Variants in SIGLEC1 observed in about 807,000 individuals in gnomAD.
The protein encoded by SIGLEC1 is sialic acid binding Ig like lectin 1, also known as sialoadhesin.
In SIGLEC1, 132 loss-of-function variants were observed where a neutral mutation model predicts 148.0. That is an observed-to-expected ratio of 0.89 (90% CI 0.77 to 1.03). The LOEUF is 1.03. SIGLEC1 is among the 50% of genes least tolerant of loss of function. The probability of loss-of-function intolerance (pLI) is 0.00; values close to 1 mark genes in which losing one functional copy is unlikely to be tolerated. For synonymous variants in SIGLEC1, 945 were observed against 969.0 expected (o/e 0.98, Z 0.46); for missense variants, 2,253 against 2,271.4 (o/e 0.99, Z 0.16).
rs144731228 is a variant in SIGLEC1 at position 3,691,963 on chromosome 20, C to T, written c.4270G>A (p.Val1424Ile). Reference sequence around the variant, plus strand: ...CCCAGCAAGTTTTGGGCTGTGCAAACATAGGTGTCATCACCTGCAGGCACA... The same window carrying T: ...CCCAGCAAGTTTTGGGCTGTGCAAATATAGGTGTCATCACCTGCAGGCACA... ...QDVPAGDDTY[V>I]CTAQNLLGSI... is the part of the protein sequence containing the mutation. Residue 1424 changes from valine to isoleucine, a missense_variant, in exon 17 of 22, where the codon GTT becomes ATT. By Grantham distance (29) the Val-to-Ile change is conservative. Transcript: ENST00000344754. 1,167 of 1,610,210 alleles carry T rather than the reference C, an allele frequency of 7.2e-4. 12 individuals are homozygous for T. Among genetic ancestry groups the T allele is most frequent in the South Asian group, 6.5e-3 (592 of 90,850 alleles).
chr20:3,710,777 G>A lies in SIGLEC1; in HGVS notation c.-110+1693C>T, dbSNP rs2087923653. Among the ~76,000 whole-genome samples the A allele has an allele frequency of 6.6e-6, 1 of 152,192 alleles. No individual in the cohort carries two copies. The highest frequency in any genetic ancestry group is 1.5e-5 in the Non-Finnish European group (1 of 68,036). On this transcript the variant is annotated intron_variant, in intron 1 of 21. Coordinates refer to ENST00000344754, the MANE Select transcript of SIGLEC1 (RefSeq NM_023068.4). This position sits in a 1 kb window ranked among gnomAD's most constrained non-coding sequence, Gnocchi z 4.6. ...ACACAGCGACCCTGGAACAGGGCGC[G>A]GGGGAGGACCCTTTCCAGGACCACT...
At position 3,687,025 on chromosome 20, in the gene SIGLEC1, G is replaced by A. The variant is rs1237610927; in HGVS notation, c.*1535C>T. 1 of 152,224 alleles carries A rather than the reference G, an allele frequency of 6.6e-6. No individual in the cohort carries two copies. The highest frequency in any genetic ancestry group is 1.5e-5 in the Non-Finnish European group (1 of 68,034). 9.4% of individuals were successfully genotyped at this position (152,224 alleles called of 1,614,324 possible). On this transcript the variant is annotated 3_prime_UTR_variant, in exon 22 of 22. Transcript: ENST00000344754. ...GACATTCTGGACGGGCTCCCAGCAAGAGTCTGGCAATGGAGCATGAAAATG... is the reference window on the plus strand; with the variant it reads ...GACATTCTGGACGGGCTCCCAGCAAAAGTCTGGCAATGGAGCATGAAAATG...
At position 3,692,502 on chromosome 20, in the gene SIGLEC1, C is replaced by T. The variant is rs1470587910; in HGVS notation, c.4030+19G>A. ...CCACCCTCCTCCTGGGCAGCCCTGGCCAAGGACCCTCTGCTCACAGAGGAC... is the reference window on the plus strand; with the variant it reads ...CCACCCTCCTCCTGGGCAGCCCTGGTCAAGGACCCTCTGCTCACAGAGGAC... On this transcript the variant is annotated intron_variant, in intron 16 of 21. Transcript: ENST00000344754. The T allele has an allele frequency of 1.3e-6, 2 of 1,571,270 alleles. No homozygotes were observed. The highest frequency in any genetic ancestry group is 1.7e-6 in the Non-Finnish European group (2 of 1,165,322).
chr20:3,689,536 G>T, intron 20 of SIGLEC1, 64 bp downstream of exon 20: 2 of 1,144,698 alleles, frequency 1.7e-6, no homozygotes, highest in Non-Finnish European at 2.5e-6. Context: ...GGGGGAATTT[G>T]GGGAGAAGAC....
chr20:3,689,902 G>T, intron 19 of SIGLEC1, 60 bp downstream of exon 19: 1 of 1,430,006 alleles, frequency 7.0e-7, no homozygotes, highest in Non-Finnish European at 9.7e-7. Flanking sequence ...GGAAGCCTTT[G>T]GGCCTAAGAG....
rs761839632 is a variant in SIGLEC1 at position 3,689,664 on chromosome 20, C to T, written c.4933G>A (p.Val1645Ile). ...AGGAGGCCCACCAGCAGTCCCAGGA[C>T]CCAGAGCAGCTGCTGGAACTGATGC... Reference protein sequence around the residue: ...RLHQFQQLLWVLGLLVGLLLL... With the variant: ...RLHQFQQLLWILGLLVGLLLL... Residue 1645 changes from valine (V) to isoleucine (I), a missense_variant, in exon 20 of 22, where the codon GTC (valine) becomes ATC (isoleucine). Val to Ile is a conservative substitution (Grantham distance 29, BLOSUM62 3). Transcript: ENST00000344754. 1.9e-6 allele frequency: 3 copies of T among 1,589,592 alleles called. No individual in the cohort carries two copies. Among genetic ancestry groups the T allele is most frequent in the East Asian group, 2.3e-5 (1 of 44,024 alleles).
rs538139755 is a variant in SIGLEC1, at chr20:3,712,332, T to G, written c.-110+138A>C. 3.3e-5 allele frequency among the ~76,000 whole-genome samples: 5 copies of G among 150,914 alleles called. No individual in the cohort carries two copies. In the East Asian group the frequency reaches 9.9e-4, roughly 30 times the overall value. ...TTTGATTAGTGTCTTGGACTTGGGT[T>G]GGTTTGGGGTCCACCACTCGCACCC... On this transcript the variant is annotated intron_variant, in intron 1 of 21. Transcript: ENST00000344754.
chr20:3,705,973 G>A lies in SIGLEC1; in HGVS notation c.477C>T (p.Asn159=). 3 of 1,614,058 alleles carry A rather than the reference G, an allele frequency of 1.9e-6. No individual in the cohort carries two copies. The highest frequency in any genetic ancestry group is 1.7e-4 in the Middle Eastern group (1 of 6,060). ...ELLEGTEVDF[N]CSTPYVCLQE... ...GCAGGCATACGTAGGGAGTGGAGCA[G>A]TTGAAGTCCACCTCTGTGCCCTCGA... Residue 159 remains asparagine (N), a synonymous_variant, in exon 4 of 22, where the codon AAC becomes AAT. Transcript: ENST00000344754.
intron 1 of SIGLEC1, among the ~76,000 whole-genome samples, chr20:3,709,671 C>T (rs1300864071): frequency 1.3e-5 from 2 of 152,180 alleles, no homozygotes; most frequent in Non-Finnish European, 2.9e-5. Flanking sequence ...GGTCAAGTGT[C>T]CATCAGTGAA....
chr20:3,706,505 C>A lies in SIGLEC1; in HGVS notation c.251G>T (p.Arg84Leu). 1 of 1,613,520 alleles carries A rather than the reference C, an allele frequency of 6.2e-7. No individual in the cohort carries two copies. The highest frequency in any genetic ancestry group is 8.5e-7 in the Non-Finnish European group (1 of 1,180,016). The change falls in exon 3 of 22, where the codon CGC becomes CTC. Residue 84 changes from arginine (R) to leucine (L), a missense_variant. Transcript: ENST00000344754. ...ADPKLVEARF[R>L]GRTEFMGNPE... Reference sequence around the variant, plus strand: ...GTTCCCCATGAACTCGGTGCGGCCGCGGAAGCGGGCCTCCACCAGCTTGGG... The same window carrying A: ...GTTCCCCATGAACTCGGTGCGGCCGAGGAAGCGGGCCTCCACCAGCTTGGG...
chr20:3,702,688 A>G (rs540691), intron 6 of SIGLEC1, among the ~76,000 whole-genome samples: 107,930 of 152,074 alleles, frequency 0.71, 38,575 homozygotes, highest in East Asian at 0.86. Flanking sequence ...GCGGTAAAGA[A>G]GCCTCATGTC....
chr20:3,700,724 G>C (rs1441802902), intron 7 of SIGLEC1, among the ~76,000 whole-genome samples: 1 of 128,978 alleles, frequency 7.8e-6, no homozygotes, highest in South Asian at 2.4e-4. Context: ...TTTTGAGACA[G>C]AGTCTCACTC....
Position 3,706,614 on chromosome 20 carries a change from C to T in SIGLEC1, c.142G>A (p.Asp48Asn), listed in dbSNP as rs749867334. The T allele has an allele frequency of 1.5e-4, 239 of 1,603,778 alleles. No homozygotes were observed. The highest frequency in any genetic ancestry group is 3.3e-4 in the Middle Eastern group (2 of 6,072). ...LIPCIFSFPA[D>N]VEVPDGITAI... is the part of the protein sequence containing the mutation. ...GTGATGCCGTCGGGCACCTCCACGT[C>T]GGCAGGGAAGCTGAAGATGCAGGGG... Residue 48 changes from aspartate to asparagine, a missense_variant, in exon 3 of 22, where the codon GAC (aspartate) becomes AAC (asparagine). Physicochemically the swap from Asp to Asn is conservative, Grantham distance 23 (BLOSUM62 1). Transcript: ENST00000344754.
intron 1 of SIGLEC1, among the ~76,000 whole-genome samples, 103 bp downstream of exon 1, chr20:3,712,367 C>G (rs1458592605): frequency 6.6e-6 from 1 of 150,800 alleles, no homozygotes; most frequent in Non-Finnish European, 1.5e-5. Flanking sequence ...CAGATGGAGC[C>G]CCCCCCCGAC....
At chr20:3,706,181 G>T in intron 3 of SIGLEC1, 141 bp from the exon 4 acceptor site, 2 of 1,277,062 alleles carry the variant, frequency 1.6e-6, no homozygotes, top group Non-Finnish European at 2.1e-6. Context: ...AGCCCCACTT[G>T]GGTGAATACA....
chr20:3,712,034 C>A (rs1338177401), intron 1 of SIGLEC1, among the ~76,000 whole-genome samples: 1 of 151,594 alleles, frequency 6.6e-6, no homozygotes, highest in African/African-American at 2.4e-5. Context: ...GAGTTGGGTG[C>A]AGGTGATGGT....
chr20:3,698,444 G>T (rs1450545616), intron 8 of SIGLEC1, among the ~76,000 whole-genome samples: 2 of 152,348 alleles, frequency 1.3e-5, no homozygotes, highest in African/African-American at 4.8e-5. Flanking sequence ...CTGCTGCTGA[G>T]CAGGGTGCCC....
In SIGLEC1 at chr20:3,689,713, G is replaced by C. The variant is rs1248445109; in HGVS notation, c.4895-11C>G. On this transcript the variant is annotated splice_polypyrimidine_tract_variant and intron_variant, in intron 19 of 21. Transcript: ENST00000344754. Reference sequence around the variant, plus strand: ...GCAGGCGGTGCAGGGCTGGAACACAGAGCGGGACTCAGAGCAGCCACAGCT... The same window carrying C: ...GCAGGCGGTGCAGGGCTGGAACACACAGCGGGACTCAGAGCAGCCACAGCT... 3 of 1,562,988 alleles carry C rather than the reference G, an allele frequency of 1.9e-6. No homozygotes were observed. The highest frequency in any genetic ancestry group is 1.4e-5 in the African/African-American group (1 of 73,954).
rs780875675 is a variant in SIGLEC1 at position 3,692,995 on chromosome 20, C to T, written c.3645G>A (p.Ser1215=). The T allele has an allele frequency of 5.6e-6, 9 of 1,612,174 alleles. No homozygotes were observed. Among genetic ancestry groups the T allele is most frequent in the Admixed American group, 3.3e-5 (2 of 59,988 alleles). ...GGGTGTTGGGGACAGAGGCTGCTGT[C>T]GAGGAGGCCAAGAGGCGACCGGCGT... ...LSHAGRLLAS[S]TAASVPNTLR... is the part of the protein sequence containing the mutation. The change falls in exon 15 of 22, where the codon TCG becomes TCA. Residue 1215 remains serine (S), a synonymous_variant. Transcript: ENST00000344754.
Sources: gnomAD v4.1 joint callset for allele counts (sites outside exome capture counted in the v4.1 genomes callset) on GRCh38, gnomAD v4.1.1 for gene constraint, Gnocchi (gnomAD v3.1) non-coding constraint, MANE v1.5 for transcripts, NCBI Gene and HGNC (gene_info 2026-07-23, HGNC 2026-07-21) for gene names.